Variants in RB1 observed in about 807,000 individuals in gnomAD.
The protein encoded by RB1 is RB transcriptional corepressor 1, also known as retinoblastoma-associated protein.
In RB1, 18 loss-of-function variants were observed where a neutral mutation model predicts 135.4. The ratio of observed to expected loss-of-function variants is 0.13; its 90% CI spans 0.09 to 0.20. The LOEUF is 0.20. Among genes scored for constraint, RB1 ranks in the 10% least tolerant of loss-of-function variants. The pLI, the probability that RB1 is intolerant of heterozygous loss-of-function variation, is 1.00. For synonymous variants in RB1, 365 were observed against 373.2 expected (o/e 0.98, Z 0.25); for missense variants, 868 against 1,110.0 (o/e 0.78, Z 3.10).
At chr13:48,315,481 A>T (rs1952174124) in intron 2 of RB1, among the ~76,000 whole-genome samples, 1 of 152,148 alleles carries the variant, frequency 6.6e-6, no homozygotes, top group Non-Finnish European at 1.5e-5. Flanking sequence ...GAATAGTTTG[A>T]CTTCCTTTTT....
intron 4 of RB1, among the ~76,000 whole-genome samples, chr13:48,345,938 A>C (rs1288989432): frequency 6.6e-6 from 1 of 152,098 alleles, no homozygotes; most frequent in Non-Finnish European, 1.5e-5. Flanking sequence ...CCTTAGGAGG[A>C]TGGCTCTATT....
In RB1 at chr13:48,450,480, G is replaced by A. The variant is rs958407189; in HGVS notation, c.1696-2513G>A. On this transcript the variant is annotated intron_variant, in intron 17 of 26. Transcript: ENST00000267163. The stretch of plus-strand genomic sequence containing the variant: ...AAAGATCAGATGGTTGTAGGTGTGT[G>A]GTCTTATTTCTGAGTCCTCTACTCT... 6.6e-5 allele frequency among the ~76,000 whole-genome samples: 10 copies of A among 152,188 alleles called. No homozygotes were observed. The Middle Eastern group carries it at 0.01, about 155-fold the overall frequency.
rs1952127154 is a variant in RB1 at position 48,311,214 on chromosome 13, C to CAT, written c.264+3815_264+3816dup. On this transcript the variant is annotated intron_variant, in intron 2 of 26. Transcript: ENST00000267163. The stretch of plus-strand genomic sequence containing the variant: ...CCTCATAGGCTTTTTGTTATACATA[C>CAT]ATATATATGTATATGAAATGTATGA... 2.0e-5 allele frequency among the ~76,000 whole-genome samples: 3 copies of CAT among 152,120 alleles called. No homozygotes were observed. The South Asian group carries it at 6.2e-4, about 31-fold the overall frequency.
chr13:48,435,272 A>T (rs924511837), intron 17 of RB1, among the ~76,000 whole-genome samples: 2 of 152,148 alleles, frequency 1.3e-5, no homozygotes, highest in Non-Finnish European at 2.9e-5. Flanking sequence ...TAGTGTAAGG[A>T]TATCTCAGTG....
chr13:48,306,729 T>G (rs1952083970), intron 1 of RB1, among the ~76,000 whole-genome samples: 2 of 152,242 alleles, frequency 1.3e-5, no homozygotes, highest in Admixed American at 1.3e-4. Flanking sequence ...TATTAGTAGA[T>G]AACACATAGA....
rs1952055948 is a variant in RB1, at chr13:48,304,107, G to A, written c.137+58G>A. 3 of 1,336,810 alleles carry A rather than the reference G, an allele frequency of 2.2e-6. No homozygotes were observed. The South Asian group carries it at 5.8e-5, about 26-fold the overall frequency. The allele number at this position is 1,336,810 out of a possible 1,614,324, so 82.8% of individuals were successfully genotyped here. ...GGAAGGGCGCCCCGGGTGTGCGTAG[G>A]GCGGGCGCCAAGGCGGCTCGGCGGG... On this transcript the variant is annotated intron_variant, in intron 1 of 26. Coordinates refer to ENST00000267163, the MANE Select transcript of RB1 (RefSeq NM_000321.3).
At chr13:48,447,494 CAT>C (rs1167191937) in intron 17 of RB1, among the ~76,000 whole-genome samples, 1 of 152,110 alleles carries the variant, frequency 6.6e-6, no homozygotes, top group Non-Finnish European at 1.5e-5. Context: ...TAATGGCACT[CAT>C]AGATGTAAAT....
chr13:48,332,784 T>C (rs1952348836), intron 2 of RB1, among the ~76,000 whole-genome samples: 1 of 152,164 alleles, frequency 6.6e-6, no homozygotes, highest in Non-Finnish European at 1.5e-5. Flanking sequence ...AGTGCCCCCT[T>C]ATCCTCAGAG....
intron 2 of RB1, among the ~76,000 whole-genome samples, chr13:48,311,615 T>A (rs1398815501): frequency 2.6e-5 from 4 of 152,264 alleles, no homozygotes; most frequent in Admixed American, 2.6e-4. Flanking sequence ...ATTTTCTTTC[T>A]ATGTGTTTTA....
Position 48,367,519 on chromosome 13 carries a change from A to G in RB1, c.965A>G (p.Glu322Gly), listed in dbSNP as rs142620145. 1.9e-6 allele frequency: 3 copies of G among 1,604,422 alleles called. No individual in the cohort carries two copies. In the African/African-American group the frequency reaches 4.0e-5, roughly 21 times the overall value. ...PEVENLSKRY[E>G]EIYLKNKDLD... ...GTTGAAAATCTTTCTAAACGATACG[A>G]AGAAATTTATCTTAAAAATAAAGAT... is the stretch of plus-strand genomic sequence containing the variant. The change falls in exon 10 of 27, where the codon GAA (glutamate) becomes GGA (glycine). Residue 322 changes from glutamate (E) to glycine (G), a missense_variant. Coordinates refer to ENST00000267163, the MANE Select transcript of RB1 (RefSeq NM_000321.3).
At chr13:48,377,868 G>A (rs1417827797) in intron 13 of RB1, among the ~76,000 whole-genome samples, 1 of 152,098 alleles carries the variant, frequency 6.6e-6, no homozygotes, top group Non-Finnish European at 1.5e-5. Context: ...CTAGGCTACA[G>A]GCCTCTACAG....
intron 17 of RB1, among the ~76,000 whole-genome samples, chr13:48,410,787 A>G (rs1325775184): frequency 6.6e-6 from 1 of 152,178 alleles, no homozygotes; most frequent in Non-Finnish European, 1.5e-5. Context: ...AATTGCCTAC[A>G]CAGACCAAAC....
chr13:48,384,288 A>G (rs1717893487), intron 17 of RB1, among the ~76,000 whole-genome samples: 1 of 152,138 alleles, frequency 6.6e-6, no homozygotes. Context: ...TGAGTCTTAT[A>G]TTACATTTTT....
chr13:48,423,786 T>G (rs942548845), intron 17 of RB1, among the ~76,000 whole-genome samples: 1 of 152,218 alleles, frequency 6.6e-6, no homozygotes. Context: ...GGTACACTCC[T>G]GTAGTCGAAG....
In RB1 at chr13:48,324,843, GT is replaced by G. The variant is rs56944149; in HGVS notation, c.264+17447del. Among the ~76,000 whole-genome samples the G allele has an allele frequency of 7.6e-3, 1,083 of 142,026 alleles. 14 individuals are homozygous for G. The highest frequency in any genetic ancestry group is 0.025 in the African/African-American group (972 of 39,000). 93.2% of individuals were successfully genotyped at this position (142,026 alleles called of 152,430 possible). A position where few individuals can be genotyped will look rare whatever the true frequency, so the allele number is the denominator to read the frequency against. ...CATTGCCACAAGCAGTTGTGCTTTT[GT>G]TTTTTTTTTGTTTGTTTGTTTTTGT... is the stretch of plus-strand genomic sequence containing the variant. On this transcript the variant is annotated intron_variant, in intron 2 of 26. Transcript: ENST00000267163.
chr13:48,436,065 G>T (rs1347770049), intron 17 of RB1, among the ~76,000 whole-genome samples: 2 of 152,170 alleles, frequency 1.3e-5, no homozygotes, highest in African/African-American at 2.4e-5. Flanking sequence ...GAAAAGATTA[G>T]GTCCTGGATG....
At chr13:48,402,983 T>TTTA (rs1189600908) in intron 17 of RB1, among the ~76,000 whole-genome samples, 4 of 152,148 alleles carry the variant, frequency 2.6e-5, no homozygotes, top group Non-Finnish European at 5.9e-5. Context: ...ATAAAACCTT[T>TTTA]TTACCTTTTT....
chr13:48,311,402 A>ACAT (rs1297287806), intron 2 of RB1, among the ~76,000 whole-genome samples: 6 of 152,348 alleles, frequency 3.9e-5, no homozygotes, highest in African/African-American at 1.4e-4. Flanking sequence ...CGTTGTGTGA[A>ACAT]CATCATAGCA....
intron 17 of RB1, among the ~76,000 whole-genome samples, chr13:48,386,041 T>TAAAAAA (rs59407273): frequency 7.7e-6 from 1 of 130,372 alleles, no homozygotes; most frequent in African/African-American, 2.9e-5. Flanking sequence ...CCCCATCTCT[T>TAAAAAA]AAAAAAAAAA....
Sources: gnomAD v4.1 joint callset for allele counts (sites outside exome capture counted in the v4.1 genomes callset) on GRCh38, gnomAD v4.1.1 for gene constraint, MANE v1.5 for transcripts, NCBI Gene and HGNC (gene_info 2026-07-23, HGNC 2026-07-21) for gene names.